GALR1: variants seen among roughly 807,000 people sequenced by gnomAD.
GALR1 encodes galanin receptor 1.
A neutral mutation model predicts 17.9 loss-of-function variants in GALR1; 11 were observed. The ratio of observed to expected loss-of-function variants is 0.62; its 90% CI spans 0.39 to 1.02. The LOEUF is 1.02. Ranked by LOEUF, GALR1 falls within the 50% of genes least tolerant of loss-of-function variation. The probability of loss-of-function intolerance (pLI) is 0.01; values close to 1 mark genes in which losing one functional copy is unlikely to be tolerated. For synonymous variants in GALR1, 206 were observed against 205.7 expected (o/e 1.00, Z -0.01); for missense variants, 441 against 456.9 (o/e 0.97, Z 0.32).
intron 2 of GALR1, among the ~76,000 whole-genome samples, chr18:77,263,585 G>C (rs1912879193): frequency 6.6e-6 from 1 of 152,094 alleles, no homozygotes; most frequent in Non-Finnish European, 1.5e-5. Flanking sequence ...CTCTCGATAG[G>C]GAGCTTAACT....
chr18:77,258,960 A>C (rs1362779521), intron 2 of GALR1, among the ~76,000 whole-genome samples: 2 of 123,844 alleles, frequency 1.6e-5, no homozygotes, highest in African/African-American at 3.3e-5. Flanking sequence ...CATGGTGGTC[A>C]TGGTGGCGAT....
At chr18:77,254,740 A>C (rs1912547785) in intron 1 of GALR1, among the ~76,000 whole-genome samples, 1 of 152,182 alleles carries the variant, frequency 6.6e-6, no homozygotes, top group South Asian at 2.1e-4. Flanking sequence ...CCTTGCATTC[A>C]GGTTTTGATA....
chr18:77,264,809 C>T (rs1334029886), intron 2 of GALR1, among the ~76,000 whole-genome samples: 5 of 152,184 alleles, frequency 3.3e-5, no homozygotes, highest in Admixed American at 3.3e-4. Flanking sequence ...ATAAAACCAT[C>T]AGATCTCATG....
In GALR1 at chr18:77,276,993, G is replaced by T. The variant is rs1452296603; in HGVS notation, c.*8091G>T. 1.3e-5 allele frequency: 2 copies of T among 152,140 alleles called. No homozygotes were observed. The highest frequency in any genetic ancestry group is 4.8e-5 in the African/African-American group (2 of 41,412). 9.4% of individuals were successfully genotyped at this position (152,140 alleles called of 1,614,324 possible). A position where few individuals can be genotyped will look rare whatever the true frequency, so the allele number is the denominator to read the frequency against. On this transcript the variant is annotated 3_prime_UTR_variant, in exon 3 of 3. Transcript: ENST00000299727. The stretch of plus-strand genomic sequence containing the variant: ...TCAATTTGTTTCCCTCAAATGCTAA[G>T]GGTTAAAATAGTACTCAAAATTGTT...
In GALR1 at chr18:77,250,840, C is replaced by T. The variant is rs1912389821; in HGVS notation, c.292C>T (p.Leu98=). ...CCCCTTCCAGGCCACCGTGTACGCG[C>T]TGCCCACCTGGGTGCTGGGCGCCTT... ...CIPFQATVYA[L]PTWVLGAFIC... is the part of the protein sequence containing the mutation. The change falls in exon 1 of 3, where the codon CTG becomes TTG. Residue 98 remains leucine (L), a synonymous_variant. Transcript: ENST00000299727. 4 of 1,613,436 alleles carry T rather than the reference C, an allele frequency of 2.5e-6. No homozygotes were observed. The highest frequency in any genetic ancestry group is 3.4e-6 in the Non-Finnish European group (4 of 1,180,008).
In GALR1 at chr18:77,250,029, C is replaced by T. The variant is rs1912353790; in HGVS notation, c.-520C>T. On this transcript the variant is annotated 5_prime_UTR_variant, in exon 1 of 3. Transcript: ENST00000299727. ...TGGGCGCGCGGGATGCGCGGGGAGC[C>T]TTCTCTGCAGGAGCCGCACAGTGCA... Among the ~76,000 whole-genome samples, 1 of 152,136 alleles carries T rather than the reference C, an allele frequency of 6.6e-6. No homozygotes were observed. The highest frequency in any genetic ancestry group is 1.5e-5 in the Non-Finnish European group (1 of 68,010).
intron 2 of GALR1, among the ~76,000 whole-genome samples, chr18:77,256,683 T>TG (rs1390611448): frequency 2.6e-5 from 4 of 152,252 alleles, no homozygotes; most frequent in African/African-American, 9.6e-5. Flanking sequence ...ACCAGAGTGC[T>TG]GGGCCATTCT....
In GALR1 at chr18:77,252,917, CCACCAT is replaced by C. The variant is rs1568139057; in HGVS notation, c.666+1709_666+1714del. ...ACCATCACCACCACCACCACCACCACCACCATCACCACCACCACCACCACCACCACC... is the reference window on the plus strand; with the variant it reads ...ACCATCACCACCACCACCACCACCACCACCACCACCACCACCACCACCACC... On this transcript the variant is annotated intron_variant, in intron 1 of 2. Coordinates refer to ENST00000299727, the MANE Select transcript of GALR1 (RefSeq NM_001480.4). Among the ~76,000 whole-genome samples, 512 of 69,934 alleles carry C rather than the reference CCACCAT, an allele frequency of 7.3e-3. 14 individuals are homozygous for C. The highest frequency in any genetic ancestry group is 0.015 in the African/African-American group (314 of 20,918). The allele number at this position is 69,934 out of a possible 152,430, so 45.9% of individuals were successfully genotyped here. A position where few individuals can be genotyped will look rare whatever the true frequency, so the allele number is the denominator to read the frequency against.
At chr18:77,258,590 G>C (rs1190353024) in intron 2 of GALR1, among the ~76,000 whole-genome samples, 27 of 134,472 alleles carry the variant, frequency 2.0e-4, no homozygotes, top group Middle Eastern at 4.0e-3. Flanking sequence ...TCATGGTGGT[G>C]ATGGTGGTGG....
chr18:77,255,319 A>T (rs986664622), intron 1 of GALR1, among the ~76,000 whole-genome samples: 3 of 152,152 alleles, frequency 2.0e-5, no homozygotes, highest in Non-Finnish European at 2.9e-5. Context: ...TTTTCATATC[A>T]TTTCTCCTGA....
chr18:77,268,688 C>A lies in GALR1; in HGVS notation c.836C>A (p.Pro279Gln). ...GAGTTTGGAGTTTTCCCGCTGACGC[C>A]GGCTTCCTTCCTCTTCAGAATCACC... ...WAEFGVFPLT[P>Q]ASFLFRITAH... Residue 279 changes from proline to glutamine, a missense_variant, in exon 3 of 3, where the codon CCG becomes CAG. Physicochemically the swap from Pro to Gln is moderately conservative, Grantham distance 76. Coordinates refer to ENST00000299727, the MANE Select transcript of GALR1 (RefSeq NM_001480.4). 4.3e-6 allele frequency: 7 copies of A among 1,614,144 alleles called. No homozygotes were observed. The highest frequency in any genetic ancestry group is 5.9e-6 in the Non-Finnish European group (7 of 1,180,020).
Position 77,271,042 on chromosome 18 carries a change from G to A in GALR1, c.*2140G>A, listed in dbSNP as rs1461677611. ...TGTTTGAGTTTGCATGAATGGAAAT[G>A]ATTTCTTGCACCATGGCTATTTCTT... On this transcript the variant is annotated 3_prime_UTR_variant, in exon 3 of 3. Coordinates refer to ENST00000299727, the MANE Select transcript of GALR1 (RefSeq NM_001480.4). The A allele has an allele frequency of 6.6e-6, 1 of 152,182 alleles. No homozygotes were observed. Among genetic ancestry groups the A allele is most frequent in the African/African-American group, 2.4e-5 (1 of 41,440 alleles). The allele number at this position is 152,182 out of a possible 1,614,324, so 9.4% of individuals were successfully genotyped here. A position where few individuals can be genotyped will look rare whatever the true frequency, so the allele number is the denominator to read the frequency against.
In GALR1 at chr18:77,269,048, A is replaced by T; in HGVS notation, c.*146A>T. ...TAATTAAATCCCACGTGTGTTAAAA[A>T]GTACTTTGATCCATTTAGGAAATTC... On this transcript the variant is annotated 3_prime_UTR_variant, in exon 3 of 3. Coordinates refer to ENST00000299727, the MANE Select transcript of GALR1 (RefSeq NM_001480.4). 1.5e-6 allele frequency: 1 copy of T among 646,726 alleles called. No individual in the cohort carries two copies. 40.1% of individuals were successfully genotyped at this position (646,726 alleles called of 1,614,324 possible).
chr18:77,253,019 C>CCAT (rs1568139273), intron 1 of GALR1, among the ~76,000 whole-genome samples: 57 of 93,994 alleles, frequency 6.1e-4, no homozygotes, highest in Non-Finnish European at 1.2e-3. Flanking sequence ...ACCACCACCA[C>CCAT]CACCATCACC....
chr18:77,251,327 G>A lies in GALR1; in HGVS notation c.666+113G>A. On this transcript the variant is annotated intron_variant, in intron 1 of 2. Coordinates refer to ENST00000299727, the MANE Select transcript of GALR1 (RefSeq NM_001480.4). ...GGAGCCTTGGCGGCAGCCTGGCCCCGGTGGTCCCCACTCTGGCGGCGCTGG... is the reference window on the plus strand; with the variant it reads ...GGAGCCTTGGCGGCAGCCTGGCCCCAGTGGTCCCCACTCTGGCGGCGCTGG... 5 of 1,440,416 alleles carry A rather than the reference G, an allele frequency of 3.5e-6. No individual in the cohort carries two copies. In the South Asian group the frequency reaches 4.2e-5, roughly 12 times the overall value. 89.2% of individuals were successfully genotyped at this position (1,440,416 alleles called of 1,614,324 possible).
At chr18:77,256,448 C>G (rs1019206230) in intron 2 of GALR1, among the ~76,000 whole-genome samples, 1 of 151,960 alleles carries the variant, frequency 6.6e-6, no homozygotes, top group Non-Finnish European at 1.5e-5. Flanking sequence ...AGCTGAAGAT[C>G]TGGGGAGATG....
intron 1 of GALR1, among the ~76,000 whole-genome samples, chr18:77,253,204 T>C (rs1448908159): frequency 6.6e-6 from 1 of 152,196 alleles, no homozygotes; most frequent in Non-Finnish European, 1.5e-5. Context: ...TCTCATTTAA[T>C]TTGCACAACT....
chr18:77,275,979 A>C lies in GALR1; in HGVS notation c.*7077A>C, dbSNP rs1270750469. Reference sequence around the variant, plus strand: ...GAATACACAGATTCCTAGATTTGAGATATTTTCAAAATAGGGCTAGCATGT... The same window carrying C: ...GAATACACAGATTCCTAGATTTGAGCTATTTTCAAAATAGGGCTAGCATGT... On this transcript the variant is annotated 3_prime_UTR_variant, in exon 3 of 3. Transcript: ENST00000299727. The C allele has an allele frequency of 3.9e-5, 6 of 152,220 alleles. No homozygotes were observed. Among genetic ancestry groups the C allele is most frequent in the Admixed American group, 1.3e-4 (2 of 15,284 alleles). The allele number at this position is 152,220 out of a possible 1,614,324, so 9.4% of individuals were successfully genotyped here. A position where few individuals can be genotyped will look rare whatever the true frequency, so the allele number is the denominator to read the frequency against.
At chr18:77,251,240 C>A (rs1912404918) in intron 1 of GALR1, 26 bp downstream of exon 1, 6 of 1,574,356 alleles carry the variant, frequency 3.8e-6, no homozygotes, top group Middle Eastern at 1.7e-4. Context: ...GGGGCCGAGA[C>A]GCGCGAGGGA....
Sources: gnomAD v4.1 joint callset for allele counts (sites outside exome capture counted in the v4.1 genomes callset) on GRCh38, gnomAD v4.1.1 for gene constraint, MANE v1.5 for transcripts, NCBI Gene and HGNC (gene_info 2026-07-23, HGNC 2026-07-21) for gene names.